Variants in NUMA1 observed in about 807,000 individuals in gnomAD.
The protein encoded by NUMA1 is nuclear mitotic apparatus protein 1, also known as SP-H antigen.
In NUMA1, 62 loss-of-function variants were observed where a neutral mutation model predicts 237.1. The observed-to-expected ratio is 0.26, with a 90% CI of 0.21 to 0.32. The LOEUF is 0.32. Ranked by LOEUF, NUMA1 falls within the 10% of genes least tolerant of loss-of-function variation. The pLI is 1.00. For missense variants in NUMA1, 2,533 were observed against 2,666.5 expected, an observed-to-expected ratio of 0.95 and a Z score of 1.10; for synonymous variants, 1,028 against 1,066.1, an observed-to-expected ratio of 0.96 and a Z score of 0.70.
Position 72,018,833 on chromosome 11 carries a change from G to T in NUMA1, c.732C>A (p.Leu244=). Residue 244 remains leucine, a synonymous_variant, in exon 10 of 27, where the codon CTC becomes CTA. Transcript: ENST00000393695. ...GTGCCAGCCACCTACCCTTCTCGGT[G>T]AGGAGCTTGCGGTTCTCAGCTAGCT... ...ELELAENRKL[L]TEKDAQIAMM... 1 of 1,610,118 alleles carries T rather than the reference G, an allele frequency of 6.2e-7. No homozygotes were observed.
Position 72,015,485 on chromosome 11 carries a change from A to G in NUMA1, c.2018T>C (p.Val673Ala), listed in dbSNP as rs1266950895. Residue 673 changes from valine (V) to alanine (A), a missense_variant, in exon 15 of 27, where the codon GTT becomes GCT. Around this residue, in one of 3 missense-constraint regions of NUMA1, gnomAD observed 1,414 missense variants for 1,508.1 expected, o/e 0.94. Coordinates refer to ENST00000393695, the MANE Select transcript of NUMA1 (RefSeq NM_006185.4). This position sits in a 1 kb window ranked among gnomAD's most constrained non-coding sequence, Gnocchi z 4.0. ...CCGCAGCTGCAACTCTAGCTCTGCA[A>G]CCTGGGCCTGGGCCTCATGCTGTTC... Reference protein sequence around the residue: ...RQEQHEAQAQVAELELQLRSE... With the variant: ...RQEQHEAQAQAAELELQLRSE... 10 of 1,612,900 alleles carry G rather than the reference A, an allele frequency of 6.2e-6. No homozygotes were observed. Among genetic ancestry groups the G allele is most frequent in the Non-Finnish European group, 8.5e-6 (10 of 1,180,022 alleles).
intron 2 of NUMA1, among the ~76,000 whole-genome samples, chr11:72,060,770 C>T (rs548775896): frequency 2.6e-4 from 39 of 152,032 alleles, no homozygotes; most frequent in African/African-American, 9.4e-4. Flanking sequence ...CCCATCTCTA[C>T]AAAAAATAAA....
chr11:72,012,809 A>T, intron 15 of NUMA1, 86 bp downstream of exon 15: 1 of 1,529,048 alleles, frequency 6.5e-7, no homozygotes, highest in South Asian at 1.3e-5. Context: ...CCAGTGTAGG[A>T]GCTAGAGGCC....
At chr11:72,047,355 G>T (rs1457460639) in intron 2 of NUMA1, among the ~76,000 whole-genome samples, 8 of 152,106 alleles carry the variant, frequency 5.3e-5, no homozygotes, top group Non-Finnish European at 1.2e-4. Context: ...AGACATGGTG[G>T]TGTGTGCCTG....
intron 1 of NUMA1, among the ~76,000 whole-genome samples, chr11:72,072,454 C>A (rs979685378): frequency 1.3e-5 from 2 of 152,194 alleles, no homozygotes; most frequent in Non-Finnish European, 2.9e-5. Flanking sequence ...AAGAAATCTG[C>A]AAGGCTGAAT....
intron 2 of NUMA1, among the ~76,000 whole-genome samples, chr11:72,060,852 C>T (rs570760194): frequency 1.3e-5 from 2 of 152,150 alleles, no homozygotes; most frequent in South Asian, 2.1e-4. Flanking sequence ...GGGCGGATCA[C>T]GAGGTCAGGA....
intron 7 of NUMA1, 43 bp downstream of exon 7, chr11:72,022,284 GTGAGGTGAAGCA>G: frequency 8.6e-7 from 1 of 1,167,594 alleles, no homozygotes; most frequent in Middle Eastern, 2.0e-4. Context: ...AACAAGTCAG[GTGAGGTGAAGCA>G]TGGGCTAGGC....
At position 72,024,287 on chromosome 11, in the gene NUMA1, G is replaced by A. The variant is rs1319110631; in HGVS notation, c.195C>T (p.Cys65=). The A allele has an allele frequency of 3.7e-6, 6 of 1,614,080 alleles. No individual in the cohort carries two copies. Among genetic ancestry groups the A allele is most frequent in the Non-Finnish European group, 5.1e-6 (6 of 1,179,938 alleles). The change falls in exon 5 of 27, where the codon TGC becomes TGT. Residue 65 remains cysteine, a synonymous_variant. Transcript: ENST00000393695. The part of the protein sequence containing the change: ...QPVSERLDFV[C]SFLQKNRKHP... ...AAAGGTGCTTACTCTGCAGAAAACT[G>A]CACACAAAGTCCAGTCTCTCTGACA...
At chr11:72,027,003 A>T (rs1939674123) in intron 4 of NUMA1, among the ~76,000 whole-genome samples, 1 of 152,188 alleles carries the variant, frequency 6.6e-6, no homozygotes, top group African/African-American at 2.4e-5. Flanking sequence ...GCAAATGAGC[A>T]TCTTGAATTT....
intron 2 of NUMA1, among the ~76,000 whole-genome samples, chr11:72,061,136 C>T (rs1265475888): frequency 6.6e-6 from 1 of 152,222 alleles, no homozygotes; most frequent in East Asian, 1.9e-4. Flanking sequence ...ACTTGGGAGG[C>T]TGAGGCAGGA....
chr11:72,073,604 T>C (rs1211368668), intron 1 of NUMA1, among the ~76,000 whole-genome samples: 2 of 152,190 alleles, frequency 1.3e-5, no homozygotes, highest in African/African-American at 4.8e-5. Flanking sequence ...AATATACGCA[T>C]AGCTTTCACA....
intron 2 of NUMA1, chr11:72,042,169 C>G (rs1941722691): frequency 6.6e-6 from 1 of 152,236 alleles, no homozygotes; most frequent in African/African-American, 2.4e-5. Context: ...AAGACAAAAT[C>G]ACAGCATTTC....
chr11:72,043,292 T>C (rs7124000), intron 2 of NUMA1, among the ~76,000 whole-genome samples: 127,063 of 151,302 alleles, frequency 0.84, 54,574 homozygotes, highest in Non-Finnish European at 0.94. Flanking sequence ...CGAAACCCTG[T>C]TTCTACCAAA....
intron 2 of NUMA1, among the ~76,000 whole-genome samples, chr11:72,060,081 G>C (rs1942860242): frequency 6.6e-6 from 1 of 152,132 alleles, no homozygotes; most frequent in African/African-American, 2.4e-5. Context: ...AGTAAGTCCA[G>C]ACATCAAAGC....
At chr11:72,007,092 T>C (rs1042965767) in intron 21 of NUMA1, 97 bp downstream of exon 21, 3 of 1,442,286 alleles carry the variant, frequency 2.1e-6, no homozygotes, top group African/African-American at 2.8e-5. Flanking sequence ...GACTGGCTGC[T>C]CATCCCTCCC....
Position 72,013,650 on chromosome 11 carries a change from C to G in NUMA1, c.3853G>C (p.Glu1285Gln), listed in dbSNP as rs778957434. The G allele has an allele frequency of 1.2e-6, 2 of 1,609,676 alleles. No homozygotes were observed. Among genetic ancestry groups the G allele is most frequent in the East Asian group, 2.2e-5 (1 of 44,876 alleles). ...ETASNSARAA[E>Q]RSSALREEVQ... is the part of the protein sequence containing the mutation. Reference sequence around the variant, plus strand: ...TCCTCCCGCAGAGCAGAGCTGCGTTCTGCAGCTCTGGCACTGTTGCTGGCT... The same window carrying G: ...TCCTCCCGCAGAGCAGAGCTGCGTTGTGCAGCTCTGGCACTGTTGCTGGCT... Residue 1285 changes from glutamate (E) to glutamine (Q), a missense_variant, in exon 15 of 27, where the codon GAA (glutamate) becomes CAA (glutamine). By Grantham distance (29) the Glu-to-Gln change is conservative. This residue lies in a region of NUMA1 where 324 missense variants were observed against 407.6 expected (regional missense o/e 0.79). Transcript: ENST00000393695. This position sits in a 1 kb window ranked among gnomAD's most constrained non-coding sequence, Gnocchi z 6.8.
rs368732432 is a variant in NUMA1, at chr11:72,018,450, G to A, written c.806C>T (p.Ala269Val). The change falls in exon 11 of 27, where the codon GCG (alanine) becomes GTG (valine). Residue 269 changes from alanine to valine, a missense_variant. Physicochemically the swap from Ala to Val is moderately conservative, Grantham distance 64. This residue lies in a region of NUMA1 where 1,414 missense variants were observed against 1,508.1 expected (regional missense o/e 0.94). Coordinates refer to ENST00000393695, the MANE Select transcript of NUMA1 (RefSeq NM_006185.4). ...CTCCTTGGGCTCCAGTGGGCTGGCC[G>A]CCTGCTTCTCATTCAGCAGGGCTAG... ...DRLALLNEKQ[A>V]ASPLEPKELE... The A allele has an allele frequency of 2.1e-5, 34 of 1,614,018 alleles. No individual in the cohort carries two copies. Among genetic ancestry groups the A allele is most frequent in the African/African-American group, 9.3e-5 (7 of 74,924 alleles).
intron 13 of NUMA1, chr11:72,017,089 T>G (rs765713912): frequency 9.3e-5 from 15 of 162,108 alleles, no homozygotes; most frequent in Non-Finnish European, 1.9e-4. Flanking sequence ...TTCGAGAGCT[T>G]CTTCTGTCTC....
chr11:72,077,123 T>C (rs1943744535), intron 1 of NUMA1, among the ~76,000 whole-genome samples: 6 of 152,128 alleles, frequency 3.9e-5, no homozygotes, highest in Middle Eastern at 6.8e-3. Flanking sequence ...ATGGAAATTA[T>C]GAAAGAAAGA....
Sources: gnomAD v4.1 joint callset for allele counts (sites outside exome capture counted in the v4.1 genomes callset) on GRCh38, gnomAD v4.1.1 for gene constraint, gnomAD v4.1.1 regional missense constraint, Gnocchi (gnomAD v3.1) non-coding constraint, MANE v1.5 for transcripts, NCBI Gene and HGNC (gene_info 2026-07-23, HGNC 2026-07-21) for gene names.